The following RFX8 variants were observed in gnomAD, a reference collection of about 807,000 sequenced individuals.
RFX8 encodes the protein DNA-binding protein RFX8.
RFX8 carries 46 observed loss-of-function variants against 54.6 expected under a neutral mutation model. That is an observed-to-expected ratio of 0.84 (90% CI 0.67 to 1.08). RFX8 has a LOEUF of 1.08. Ranked by LOEUF, RFX8 falls within the 50% of genes least tolerant of loss-of-function variation. The pLI, the probability that RFX8 is intolerant of heterozygous loss-of-function variation, is 0.00. For synonymous variants in RFX8, 192 were observed against 209.5 expected (o/e 0.92, Z 0.72); for missense variants, 536 against 562.3 (o/e 0.95, Z 0.47).
rs1054939300 is a variant in RFX8, at chr2:101,450,629, C to T, written c.72+16148G>A. 9 of 1,516,298 alleles carry T rather than the reference C, an allele frequency of 5.9e-6. No homozygotes were observed. The East Asian group carries it at 1.7e-4, about 29-fold the overall frequency. The allele number at this position is 1,516,298 out of a possible 1,614,324, so 93.9% of individuals were successfully genotyped here. On this transcript the variant is annotated intron_variant, in intron 2 of 11. Coordinates refer to ENST00000428343, the MANE Select transcript of RFX8 (RefSeq NM_001145664.2). ...TTTTTTCACCTATCAGGTAGCAATA[C>T]TGGGCATAGAAGAAAGAGCTTTTCT...
At chr2:101,424,200 G>C (rs1687037170) in intron 2 of RFX8, among the ~76,000 whole-genome samples, 1 of 152,124 alleles carries the variant, frequency 6.6e-6, no homozygotes, top group South Asian at 2.1e-4. Flanking sequence ...TACAATATTG[G>C]CTTTATTCAG....
intron 2 of RFX8, among the ~76,000 whole-genome samples, chr2:101,457,042 G>A (rs1411431523): frequency 6.6e-5 from 10 of 152,074 alleles, no homozygotes; most frequent in Admixed American, 4.6e-4. Context: ...CTGTGGGATC[G>A]GTGATGATAT....
chr2:101,402,409 T>TGTGGAAGG (rs758234287), intron 11 of RFX8, 27 bp downstream of exon 11: 10 of 1,508,808 alleles, frequency 6.6e-6, no homozygotes, highest in Non-Finnish European at 9.0e-6. Context: ...GAAACAGCTG[T>TGTGGAAGG]GTGGAAGGGG....
At chr2:101,425,797 C>T (rs1431621414) in intron 2 of RFX8, among the ~76,000 whole-genome samples, 1 of 152,094 alleles carries the variant, frequency 6.6e-6, no homozygotes, top group Non-Finnish European at 1.5e-5. Flanking sequence ...GTAAAAGTAG[C>T]GTACAGAGCC....
chr2:101,405,308 G>A (rs567285210), intron 10 of RFX8, among the ~76,000 whole-genome samples: 3 of 152,016 alleles, frequency 2.0e-5, no homozygotes, highest in South Asian at 2.1e-4. Context: ...CACCGCGCCC[G>A]GCTAATTTTT....
chr2:101,461,262 C>CAAAAAAAAAAAAA (rs11350961), intron 2 of RFX8, among the ~76,000 whole-genome samples: 1 of 89,908 alleles, frequency 1.1e-5, no homozygotes, highest in Non-Finnish European at 2.1e-5. Flanking sequence ...GACTCCATCT[C>CAAAAAAAAAAAAA]AAAAAAAAAA....
intron 2 of RFX8, among the ~76,000 whole-genome samples, chr2:101,459,014 C>A (rs1689129236): frequency 6.6e-6 from 1 of 152,162 alleles, no homozygotes; most frequent in Non-Finnish European, 1.5e-5. Flanking sequence ...GCTATTGAAG[C>A]TTGTGTATGC....
intron 2 of RFX8, among the ~76,000 whole-genome samples, chr2:101,461,724 T>C (rs1292020053): frequency 6.6e-6 from 1 of 152,154 alleles, no homozygotes; most frequent in Non-Finnish European, 1.5e-5. Context: ...GCAGAAAATA[T>C]AATTAAGTTA....
intron 2 of RFX8, among the ~76,000 whole-genome samples, chr2:101,424,125 C>T (rs1687030833): frequency 6.6e-6 from 1 of 152,184 alleles, no homozygotes; most frequent in Non-Finnish European, 1.5e-5. Context: ...AGCAGGAACA[C>T]AGAGGGGACA....
chr2:101,454,547 C>T (rs1334172901), intron 2 of RFX8, among the ~76,000 whole-genome samples: 2 of 152,210 alleles, frequency 1.3e-5, no homozygotes, highest in African/African-American at 4.8e-5. Context: ...TCCACATCCT[C>T]TCCAGCATCT....
chr2:101,466,535 C>A (rs751468838), intron 2 of RFX8, among the ~76,000 whole-genome samples: 1 of 152,146 alleles, frequency 6.6e-6, no homozygotes, highest in Non-Finnish European at 1.5e-5. Flanking sequence ...TAATTACATT[C>A]CCTTAGGTGC....
At chr2:101,426,648 T>C (rs1687186454) in intron 2 of RFX8, among the ~76,000 whole-genome samples, 1 of 152,254 alleles carries the variant, frequency 6.6e-6, no homozygotes, top group Non-Finnish European at 1.5e-5. Flanking sequence ...TTTGAGATTT[T>C]GACAGACCCA....
intron 1 of RFX8, among the ~76,000 whole-genome samples, chr2:101,470,709 CTTTTTTT>C (rs537834632): frequency 0.011 from 1,175 of 105,358 alleles, 11 homozygotes; most frequent in African/African-American, 0.044. Context: ...TCTGAGTACT[CTTTTTTT>C]TTTTTTTTTT....
At chr2:101,405,829 T>C (rs1685696400) in intron 10 of RFX8, 114 bp downstream of exon 10, 1 of 577,906 alleles carries the variant, frequency 1.7e-6, no homozygotes, top group Non-Finnish European at 2.9e-6. Context: ...ATATTTTACA[T>C]AGAAAGGTTA....
chr2:101,444,404 A>G (rs77089791), intron 2 of RFX8, among the ~76,000 whole-genome samples: 7,938 of 152,312 alleles, frequency 0.052, 304 homozygotes, highest in East Asian at 0.12. Context: ...TTCTGTCTAA[A>G]ACAGAAGATT....
At chr2:101,399,597 T>C (rs1031181908) in intron 11 of RFX8, among the ~76,000 whole-genome samples, 5 of 152,206 alleles carry the variant, frequency 3.3e-5, no homozygotes, top group African/African-American at 1.2e-4. Context: ...AGTGCTCAGC[T>C]TAGGAGGCCG....
intron 2 of RFX8, among the ~76,000 whole-genome samples, chr2:101,453,643 A>G (rs997515047): frequency 1.7e-4 from 26 of 152,286 alleles, no homozygotes; most frequent in South Asian, 8.3e-4. Context: ...CAAAGCCCCA[A>G]TATGTGTAAG....
rs905948648 is a variant in RFX8, at chr2:101,417,447, C to T, written c.502+87G>A. 1.3e-5 allele frequency: 16 copies of T among 1,257,614 alleles called. No individual in the cohort carries two copies. The South Asian group carries it at 2.1e-4, about 16-fold the overall frequency. The allele number at this position is 1,257,614 out of a possible 1,614,324, so 77.9% of individuals were successfully genotyped here. On this transcript the variant is annotated intron_variant, in intron 6 of 11. Transcript: ENST00000428343. ...TCTCAAACTCCTGGCCTCAAGCGAT[C>T]CTCCTGCCTCGGCCTTCCAAAGTGC...
chr2:101,439,858 G>A (rs992187374), intron 2 of RFX8, among the ~76,000 whole-genome samples: 9 of 152,000 alleles, frequency 5.9e-5, no homozygotes, highest in African/African-American at 2.2e-4. Context: ...TGACAGGTGT[G>A]AGCCACCGCG....
Sources: gnomAD v4.1 joint callset for allele counts (sites outside exome capture counted in the v4.1 genomes callset) on GRCh38, gnomAD v4.1.1 for gene constraint, MANE v1.5 for transcripts, NCBI Gene and HGNC (gene_info 2026-07-23, HGNC 2026-07-21) for gene names.